The following NAV3 variants were observed in gnomAD, a reference collection of about 807,000 sequenced individuals.
The protein encoded by NAV3 is pore membrane and/or filament interacting like protein 1.
A neutral mutation model predicts 244.7 loss-of-function variants in NAV3; 87 were observed. That is an observed-to-expected ratio of 0.36 (90% CI 0.30 to 0.42). NAV3 has a LOEUF of 0.42. NAV3 is among the 20% of genes least tolerant of loss of function. The pLI is 1.00. For synonymous variants in NAV3, 1,126 were observed against 1,042.2 expected (o/e 1.08, Z -1.55); for missense variants, 2,663 against 2,893.3 (o/e 0.92, Z 1.83).
chr12:77,684,593 G>C (rs1390533487), intron 2 of NAV3, among the ~76,000 whole-genome samples: 2 of 151,966 alleles, frequency 1.3e-5, no homozygotes, highest in African/African-American at 4.8e-5. Flanking sequence ...AAATTGCTAG[G>C]ATTACAGGCA....
intron 2 of NAV3, among the ~76,000 whole-genome samples, chr12:77,708,257 G>A (rs966024883): frequency 3.3e-5 from 5 of 152,162 alleles, no homozygotes; most frequent in Non-Finnish European, 5.9e-5. Flanking sequence ...AAGGGATCCA[G>A]TTTCAGCTTT....
At chr12:77,738,455 C>T (rs1868265970) in intron 2 of NAV3, among the ~76,000 whole-genome samples, 1 of 152,192 alleles carries the variant, frequency 6.6e-6, no homozygotes, top group African/African-American at 2.4e-5. Flanking sequence ...ATTATCATGA[C>T]TTCTTAAGTA....
rs1232827812 is a variant in NAV3 at position 78,185,712 on chromosome 12, C to A, written c.5790+14C>A. The A allele has an allele frequency of 8.2e-6, 13 of 1,592,356 alleles. No individual in the cohort carries two copies. The highest frequency in any genetic ancestry group is 2.7e-5 in the African/African-American group (2 of 74,286). ...GGTCGAGCAAAGGTACTTCTTTAATCTTAAACTCTTTATTACTAACAATGA... is the reference window on the plus strand; with the variant it reads ...GGTCGAGCAAAGGTACTTCTTTAATATTAAACTCTTTATTACTAACAATGA... On this transcript the variant is annotated intron_variant, in intron 31 of 39. Coordinates refer to ENST00000397909, the MANE Select transcript of NAV3 (RefSeq NM_001024383.2).
At chr12:78,075,047 C>T (rs1371098398) in intron 12 of NAV3, among the ~76,000 whole-genome samples, 2 of 151,832 alleles carry the variant, frequency 1.3e-5, no homozygotes, top group South Asian at 2.1e-4. Flanking sequence ...AACTTTTTTC[C>T]CTCCTTGGAT....
At chr12:78,167,268 A>G (rs144045792) in intron 23 of NAV3, among the ~76,000 whole-genome samples, 48 of 151,874 alleles carry the variant, frequency 3.2e-4, no homozygotes, top group African/African-American at 1.1e-3. Context: ...TTTTATAATA[A>G]ATATAGTCGA....
At chr12:77,922,303 A>C (rs1887788337) in intron 1 of NAV3, among the ~76,000 whole-genome samples, 1 of 151,942 alleles carries the variant, frequency 6.6e-6, no homozygotes, top group African/African-American at 2.4e-5. Context: ...TTGTTTGTTT[A>C]ATTTTTGAAC....
intron 3 of NAV3, among the ~76,000 whole-genome samples, chr12:77,947,161 A>G (rs1287245546): frequency 6.6e-6 from 1 of 152,042 alleles, no homozygotes; most frequent in African/African-American, 2.4e-5. Context: ...AATTAGATTT[A>G]GGTCTTTACT....
At chr12:77,880,322 T>C (rs868225600) in intron 1 of NAV3, among the ~76,000 whole-genome samples, 1 of 152,180 alleles carries the variant, frequency 6.6e-6, no homozygotes, top group East Asian at 1.9e-4. Flanking sequence ...AATCACATCA[T>C]ATAAAATGTG....
chr12:77,971,161 A>T (rs1427874686), intron 5 of NAV3, among the ~76,000 whole-genome samples: 2 of 151,972 alleles, frequency 1.3e-5, no homozygotes, highest in African/African-American at 4.8e-5. Flanking sequence ...CATGGTTTTT[A>T]TACTCTTTTG....
chr12:77,746,171 T>C (rs1362082985), intron 2 of NAV3, among the ~76,000 whole-genome samples: 2 of 152,126 alleles, frequency 1.3e-5, no homozygotes, highest in Admixed American at 1.3e-4. Context: ...GTACTTTACC[T>C]ACATCAGGAG....
chr12:77,997,266 G>A (rs1444965552), intron 6 of NAV3, among the ~76,000 whole-genome samples: 1 of 143,300 alleles, frequency 7.0e-6, no homozygotes, highest in African/African-American at 2.6e-5. Context: ...AAAAAAGAAT[G>A]TCAATATTAG....
intron 2 of NAV3, among the ~76,000 whole-genome samples, chr12:77,755,423 A>AAGCC (rs921202810): frequency 2.6e-5 from 4 of 152,130 alleles, no homozygotes; most frequent in Non-Finnish European, 5.9e-5. Flanking sequence ...CCCTCTGCTT[A>AAGCC]CGTTGATGGG....
intron 23 of NAV3, among the ~76,000 whole-genome samples, chr12:78,165,981 T>A (rs990288977): frequency 1.8e-4 from 24 of 133,104 alleles, no homozygotes; most frequent in Admixed American, 6.8e-4. Context: ...AAAAAAAAAA[T>A]ACGTATGCAA....
At chr12:78,009,782 G>C (rs1037310558) in intron 8 of NAV3, among the ~76,000 whole-genome samples, 1 of 152,140 alleles carries the variant, frequency 6.6e-6, no homozygotes, top group African/African-American at 2.4e-5. Flanking sequence ...GATAAAGGAT[G>C]CCTACCTCGA....
intron 22 of NAV3, among the ~76,000 whole-genome samples, chr12:78,149,441 G>A (rs996484): frequency 0.26 from 39,808 of 151,914 alleles, 5,642 homozygotes; most frequent in East Asian, 0.45. Flanking sequence ...ATTTAAAAGG[G>A]TACACTTTTA....
intron 23 of NAV3, among the ~76,000 whole-genome samples, chr12:78,166,779 G>A (rs577601732): frequency 5.3e-5 from 8 of 151,594 alleles, no homozygotes; most frequent in Non-Finnish European, 7.4e-5. Flanking sequence ...AAAGCTGAAC[G>A]TTCTGACACT....
At chr12:77,621,475 C>CTTT (rs1253726398) in intron 2 of NAV3, among the ~76,000 whole-genome samples, 1 of 142,024 alleles carries the variant, frequency 7.0e-6, no homozygotes, top group East Asian at 2.0e-4. Flanking sequence ...TTTTTCTCTT[C>CTTT]TCTTTTTTTT....
At chr12:78,157,394 G>GA (rs36115195) in intron 22 of NAV3, among the ~76,000 whole-genome samples, 21,721 of 107,110 alleles carry the variant, frequency 0.2, 1,969 homozygotes, top group Admixed American at 0.33. Context: ...TACAGAAAAT[G>GA]AAAAAAAAAA....
chr12:78,069,007 T>C (rs991744344), intron 12 of NAV3, among the ~76,000 whole-genome samples: 1 of 151,572 alleles, frequency 6.6e-6, no homozygotes, highest in Non-Finnish European at 1.5e-5. Context: ...AACTAATGGG[T>C]TCAGATTTTC....
Sources: gnomAD v4.1 joint callset for allele counts (sites outside exome capture counted in the v4.1 genomes callset) on GRCh38, gnomAD v4.1.1 for gene constraint, MANE v1.5 for transcripts, NCBI Gene and HGNC (gene_info 2026-07-23, HGNC 2026-07-21) for gene names.